Variants in RFK observed in about 807,000 individuals in gnomAD.
RFK encodes riboflavin kinase.
RFK carries 4 observed loss-of-function variants against 17.6 expected under a neutral mutation model. The observed-to-expected ratio is 0.23, with a 90% CI of 0.11 to 0.52. The LOEUF is 0.52. Ranked by LOEUF, RFK falls within the 20% of genes least tolerant of loss-of-function variation. RFK has a pLI of 0.96. For synonymous variants in RFK, 59 were observed against 63.8 expected (o/e 0.92, Z 0.36); for missense variants, 189 against 187.7 (o/e 1.01, Z -0.04).
In RFK at chr9:76,389,115, C is replaced by G. The variant is rs149650607; in HGVS notation, c.235-459G>C. Among the ~76,000 whole-genome samples the G allele has an allele frequency of 7.0e-3, 1,073 of 152,270 alleles. 11 individuals are homozygous for G. Among genetic ancestry groups the G allele is most frequent in the African/African-American group, 0.025 (1,028 of 41,548 alleles). ...TTGGCAGAGCTGAGGACTGAAGGGG[C>G]AGGAGAGCCAATGCAGCTTCCTGAT... On this transcript the variant is annotated intron_variant, in intron 2 of 3. Transcript: ENST00000376736.
chr9:76,386,441 A>T lies in RFK; in HGVS notation c.*958T>A, dbSNP rs191836851. ...ACATTTTGTGTTCTTTAAGAAATTG[A>T]TATGTGTAAATGTGTTCACTTAAAT... On this transcript the variant is annotated 3_prime_UTR_variant, in exon 4 of 4. Coordinates refer to ENST00000376736, the MANE Select transcript of RFK (RefSeq NM_018339.6). 31 of 152,288 alleles carry T rather than the reference A, an allele frequency of 2.0e-4. No homozygotes were observed. Among genetic ancestry groups the T allele is most frequent in the African/African-American group, 7.2e-4 (30 of 41,572 alleles). 9.4% of individuals were successfully genotyped at this position (152,288 alleles called of 1,614,324 possible).
At chr9:76,389,418 A>G (rs980789136) in intron 2 of RFK, among the ~76,000 whole-genome samples, 4 of 152,174 alleles carry the variant, frequency 2.6e-5, no homozygotes, top group African/African-American at 9.7e-5. Flanking sequence ...ATGAACCAAT[A>G]TATTCTTTCT....
rs752185386 is a variant in RFK at position 76,387,447 on chromosome 9, T to C, written c.420A>G (p.Glu140=). ...TTTTAGAAACCTGGAAGAAATTGTC[T>C]TCTTTGATTTTCAAATGTTCTGGTA... The part of the protein sequence containing the change: ...LELPEHLKIK[E]DNFFQVSKSK... Residue 140 remains glutamate (E), a synonymous_variant, in exon 4 of 4, where the codon GAA becomes GAG. Coordinates refer to ENST00000376736, the MANE Select transcript of RFK (RefSeq NM_018339.6). The C allele has an allele frequency of 6.2e-7, 1 of 1,611,450 alleles. No homozygotes were observed. Among genetic ancestry groups the C allele is most frequent in the South Asian group, 1.1e-5 (1 of 91,018 alleles).
chr9:76,392,377 A>C, intron 2 of RFK, 41 bp downstream of exon 2: 4 of 1,600,338 alleles, frequency 2.5e-6, no homozygotes, highest in Non-Finnish European at 3.4e-6. Flanking sequence ...ATTCTAAGTC[A>C]TCATACCATT....
chr9:76,387,649 AC>A (rs1450525809), intron 3 of RFK, 120 bp from the exon 4 acceptor site: 1 of 881,362 alleles, frequency 1.1e-6, no homozygotes, highest in East Asian at 2.6e-5. Flanking sequence ...CAGGGTAGAT[AC>A]CCAATAAATG....
intron 2 of RFK, among the ~76,000 whole-genome samples, chr9:76,389,944 A>C (rs1822795815): frequency 6.6e-6 from 1 of 152,204 alleles, no homozygotes; most frequent in South Asian, 2.1e-4. Flanking sequence ...TGATTCTAAA[A>C]TTTATATGGA....
chr9:76,390,944 A>G (rs1822812453), intron 2 of RFK, among the ~76,000 whole-genome samples: 1 of 152,064 alleles, frequency 6.6e-6, no homozygotes, highest in African/African-American at 2.4e-5. Flanking sequence ...AGATATGCCT[A>G]TGTTTCAAAT....
intron 2 of RFK, among the ~76,000 whole-genome samples, chr9:76,390,876 C>A (rs1822811842): frequency 6.6e-6 from 1 of 151,302 alleles, no homozygotes; most frequent in Non-Finnish European, 1.5e-5. Context: ...CTGGCACAGG[C>A]ACTTCACAGA....
Position 76,394,294 on chromosome 9 carries a change from G to C in RFK, c.-123C>G. On this transcript the variant is annotated 5_prime_UTR_variant, in exon 1 of 4. Transcript: ENST00000376736. ...GGAGCGTGAGCTCTGCCTGCCGCGGGGGCGCACCAGTGGCCGGACGACGCC... is the reference window on the plus strand; with the variant it reads ...GGAGCGTGAGCTCTGCCTGCCGCGGCGGCGCACCAGTGGCCGGACGACGCC... 1 of 912,780 alleles carries C rather than the reference G, an allele frequency of 1.1e-6. No homozygotes were observed. Among genetic ancestry groups the C allele is most frequent in the Non-Finnish European group, 1.6e-6 (1 of 637,486 alleles). The allele number at this position is 912,780 out of a possible 1,614,324, so 56.5% of individuals were successfully genotyped here.
chr9:76,394,389 G>T lies in RFK; in HGVS notation c.-218C>A. 4 of 489,856 alleles carry T rather than the reference G, an allele frequency of 8.2e-6. No individual in the cohort carries two copies. The highest frequency in any genetic ancestry group is 1.4e-5 in the Non-Finnish European group (4 of 279,182). The allele number at this position is 489,856 out of a possible 1,614,324, so 30.3% of individuals were successfully genotyped here. ...TACCGCCGGGCGCCTGAGGAGCTGC[G>T]TCTCCGCTGGAGGGCAGCGGAGACA... On this transcript the variant is annotated 5_prime_UTR_variant, in exon 1 of 4. Transcript: ENST00000376736.
At chr9:76,391,925 G>C (rs1015859180) in intron 2 of RFK, among the ~76,000 whole-genome samples, 2 of 131,710 alleles carry the variant, frequency 1.5e-5, no homozygotes, top group African/African-American at 2.7e-5. Flanking sequence ...AACATAGTGA[G>C]ACCCCATCTT....
At chr9:76,392,283 A>C in intron 2 of RFK, 135 bp downstream of exon 2, 18 of 808,270 alleles carry the variant, frequency 2.2e-5, no homozygotes, top group Non-Finnish European at 2.7e-5. Context: ...ATTAAAAGAC[A>C]GAGATTGCCC....
chr9:76,388,731 A>G lies in RFK; in HGVS notation c.235-75T>C, dbSNP rs1051514082. 4.9e-5 allele frequency: 39 copies of G among 801,020 alleles called. No individual in the cohort carries two copies. The African/African-American group carries it at 6.2e-4, about 13-fold the overall frequency. The allele number at this position is 801,020 out of a possible 1,614,324, so 49.6% of individuals were successfully genotyped here. On this transcript the variant is annotated intron_variant, in intron 2 of 3. Coordinates refer to ENST00000376736, the MANE Select transcript of RFK (RefSeq NM_018339.6). ...AAATCTGAAATACATCTTCATGTTT[A>G]TGGTGAGTTAATTTAAATGAAACAA...
rs1480403413 is a variant in RFK at position 76,388,615 on chromosome 9, C to A, written c.276G>T (p.Gly92=). ...CAACAATGGCCACATTGAGGATTTCCCCATAGAAGTCCTCTTTGAAGGTAT... is the reference window on the plus strand; with the variant it reads ...CAACAATGGCCACATTGAGGATTTCACCATAGAAGTCCTCTTTGAAGGTAT... ...IMHTFKEDFY[G]EILNVAIVGY... is the part of the protein sequence containing the mutation. Residue 92 remains glycine, a synonymous_variant, in exon 3 of 4, where the codon GGG becomes GGT. Coordinates refer to ENST00000376736, the MANE Select transcript of RFK (RefSeq NM_018339.6). 6.2e-7 allele frequency: 1 copy of A among 1,612,142 alleles called. No homozygotes were observed. The highest frequency in any genetic ancestry group is 8.5e-7 in the Non-Finnish European group (1 of 1,178,330).
At chr9:76,392,340 T>C in intron 2 of RFK, 78 bp downstream of exon 2, 4 of 1,463,376 alleles carry the variant, frequency 2.7e-6, no homozygotes, top group African/African-American at 2.8e-5. Context: ...TGATAAGCTA[T>C]TTCTGTAACG....
rs140530619 is a variant in RFK, at chr9:76,387,258, G to A, written c.*141C>T. 323 of 721,120 alleles carry A rather than the reference G, an allele frequency of 4.5e-4. 1 individual carries two copies. The African/African-American group carries it at 4.9e-3, about 11-fold the overall frequency. 44.7% of individuals were successfully genotyped at this position (721,120 alleles called of 1,614,324 possible). On this transcript the variant is annotated 3_prime_UTR_variant, in exon 4 of 4. Coordinates refer to ENST00000376736, the MANE Select transcript of RFK (RefSeq NM_018339.6). Reference sequence around the variant, plus strand: ...TAATTTAATAGTTGAAGCATGATATGATAACAACATTGTACGGTTTAAACT... The same window carrying A: ...TAATTTAATAGTTGAAGCATGATATAATAACAACATTGTACGGTTTAAACT...
Position 76,394,211 on chromosome 9 carries a change from C to A in RFK, c.-40G>T. On this transcript the variant is annotated 5_prime_UTR_variant, in exon 1 of 4. Coordinates refer to ENST00000376736, the MANE Select transcript of RFK (RefSeq NM_018339.6). ...GGGGAATGGGCTGCGGCCCGGTCTGCGCGTCCTGCGGAGCCGCCGTCGACG... is the reference window on the plus strand; with the variant it reads ...GGGGAATGGGCTGCGGCCCGGTCTGAGCGTCCTGCGGAGCCGCCGTCGACG... 6.5e-7 allele frequency: 1 copy of A among 1,549,496 alleles called. No homozygotes were observed. Among genetic ancestry groups the A allele is most frequent in the Non-Finnish European group, 8.7e-7 (1 of 1,148,040 alleles).
chr9:76,394,291 C>T lies in RFK; in HGVS notation c.-120G>A, dbSNP rs1183638197. The T allele has an allele frequency of 4.3e-6, 4 of 938,114 alleles. 1 individual carries two copies. In the East Asian group the frequency reaches 9.4e-5, roughly 22 times the overall value. The allele number at this position is 938,114 out of a possible 1,614,324, so 58.1% of individuals were successfully genotyped here. A position where few individuals can be genotyped will look rare whatever the true frequency, so the allele number is the denominator to read the frequency against. On this transcript the variant is annotated 5_prime_UTR_variant, in exon 1 of 4. Transcript: ENST00000376736. ...ACAGGAGCGTGAGCTCTGCCTGCCGCGGGGGCGCACCAGTGGCCGGACGAC... is the reference window on the plus strand; with the variant it reads ...ACAGGAGCGTGAGCTCTGCCTGCCGTGGGGGCGCACCAGTGGCCGGACGAC...
intron 2 of RFK, among the ~76,000 whole-genome samples, chr9:76,389,965 T>C (rs1822796214): frequency 6.6e-6 from 1 of 152,062 alleles, no homozygotes. Context: ...AAAACCAAAA[T>C]TATTCATGAA....
Sources: gnomAD v4.1 joint callset for allele counts (sites outside exome capture counted in the v4.1 genomes callset) on GRCh38, gnomAD v4.1.1 for gene constraint, MANE v1.5 for transcripts, NCBI Gene and HGNC (gene_info 2026-07-23, HGNC 2026-07-21) for gene names.